Variants in PLCE1 observed in about 807,000 individuals in gnomAD.
PLCE1 encodes the protein phospholipase C epsilon 1.
Under a neutral mutation model 242.8 loss-of-function variants are expected in PLCE1, and 119 were observed. That is an observed-to-expected ratio of 0.49 (90% CI 0.42 to 0.57). PLCE1 has a LOEUF of 0.57. PLCE1 is among the 20% of genes least tolerant of loss of function. PLCE1 has a pLI of 0.00. For synonymous variants in PLCE1, 945 were observed against 1,017.4 expected, an observed-to-expected ratio of 0.93 and a Z score of 1.35; for missense variants, 2,441 against 2,788.8, an observed-to-expected ratio of 0.88 and a Z score of 2.81.
intron 3 of PLCE1, among the ~76,000 whole-genome samples, chr10:94,158,918 G>A (rs1046702902): frequency 2.1e-4 from 28 of 136,394 alleles, no homozygotes; most frequent in Non-Finnish European, 3.5e-4. Context: ...GTGCAATGGC[G>A]CAATCTCAGC....
At chr10:94,207,209 C>G (rs71480894) in intron 4 of PLCE1, among the ~76,000 whole-genome samples, 1 of 152,062 alleles carries the variant, frequency 6.6e-6, no homozygotes, top group Non-Finnish European at 1.5e-5. Context: ...ACGTCAGGAG[C>G]GTGCCCCCAG....
intron 4 of PLCE1, among the ~76,000 whole-genome samples, chr10:94,216,859 GCA>G (rs2049547168): frequency 2.0e-5 from 3 of 151,960 alleles, no homozygotes; most frequent in Middle Eastern, 6.8e-3. Flanking sequence ...GCTAAGCTCC[GCA>G]CAGTGTTTGC....
chr10:94,141,657 A>AT (rs545734863), intron 3 of PLCE1, among the ~76,000 whole-genome samples: 100,062 of 106,192 alleles, frequency 0.94, 48,337 homozygotes, highest in South Asian at 0.99. Context: ...AGGAAAGAAG[A>AT]AAGGGAGGGA....
At chr10:94,038,005 C>A (rs79216131) in intron 2 of PLCE1, among the ~76,000 whole-genome samples, 1 of 151,874 alleles carries the variant, frequency 6.6e-6, no homozygotes, top group Non-Finnish European at 1.5e-5. Flanking sequence ...GAAAATGGGC[C>A]GTGGTAGTAT....
intron 4 of PLCE1, among the ~76,000 whole-genome samples, chr10:94,207,514 CGTGTGTGTGTGTGT>C (rs56098317): frequency 2.5e-4 from 36 of 142,870 alleles, no homozygotes; most frequent in East Asian, 6.2e-4. Flanking sequence ...AATAGTTATA[CGTGTGTGTGTGTGT>C]GTGTGTGTGT....
chr10:94,050,037 G>A (rs950695663), intron 2 of PLCE1, among the ~76,000 whole-genome samples: 3 of 152,086 alleles, frequency 2.0e-5, no homozygotes, highest in Admixed American at 6.6e-5. Context: ...TTTGTTCACC[G>A]TTTGGGGCTT....
intron 28 of PLCE1, among the ~76,000 whole-genome samples, chr10:94,315,824 C>T (rs1196966146): frequency 6.6e-6 from 1 of 151,316 alleles, no homozygotes; most frequent in Non-Finnish European, 1.5e-5. Flanking sequence ...TTGAGTTCAC[C>T]TAATGTACCC....
At chr10:94,158,716 G>GA (rs963533172) in intron 3 of PLCE1, among the ~76,000 whole-genome samples, 1 of 151,608 alleles carries the variant, frequency 6.6e-6, no homozygotes, top group East Asian at 1.9e-4. Context: ...TTTTAAGTTA[G>GA]AAAAAAATGT....
At chr10:94,171,957 C>G (rs1211402243) in intron 4 of PLCE1, among the ~76,000 whole-genome samples, 1 of 152,178 alleles carries the variant, frequency 6.6e-6, no homozygotes, top group Admixed American at 6.6e-5. Flanking sequence ...CCAGAGAAGG[C>G]AGGAAACGTG....
intron 4 of PLCE1, among the ~76,000 whole-genome samples, chr10:94,213,266 T>A (rs150734092): frequency 6.6e-6 from 1 of 152,332 alleles, no homozygotes; most frequent in Non-Finnish European, 1.5e-5. Flanking sequence ...AGAATTAGGA[T>A]CTGTTCTTTG....
In PLCE1 at chr10:94,329,260, ATTC is replaced by A. The variant is rs997846338; in HGVS notation, c.*1320_*1322del. Reference sequence around the variant, plus strand: ...CCATTAAGTGTAAAGGATTCTTCATATTCTTAGTATGAAGCAAATTATGAATTT... The same window carrying A: ...CCATTAAGTGTAAAGGATTCTTCATATTAGTATGAAGCAAATTATGAATTT... On this transcript the variant is annotated 3_prime_UTR_variant, in exon 33 of 33. Transcript: ENST00000371380. 6.6e-6 allele frequency: 1 copy of A among 152,312 alleles called. No homozygotes were observed. Among genetic ancestry groups the A allele is most frequent in the East Asian group, 1.9e-4 (1 of 5,190 alleles). 9.4% of individuals were successfully genotyped at this position (152,312 alleles called of 1,614,324 possible).
At chr10:94,241,001 A>G (rs542486754) in intron 7 of PLCE1, among the ~76,000 whole-genome samples, 1 of 152,330 alleles carries the variant, frequency 6.6e-6, no homozygotes, top group East Asian at 1.9e-4. Flanking sequence ...ATTGCATAAC[A>G]TTCACTATAT....
At chr10:94,240,710 A>G (rs2050477152) in intron 7 of PLCE1, among the ~76,000 whole-genome samples, 1 of 152,240 alleles carries the variant, frequency 6.6e-6, no homozygotes, top group Non-Finnish European at 1.5e-5. Context: ...TAAAATTTTC[A>G]TCAGGGAACA....
At chr10:94,164,596 T>G (rs1169836632) in intron 3 of PLCE1, among the ~76,000 whole-genome samples, 4 of 152,358 alleles carry the variant, frequency 2.6e-5, no homozygotes, top group African/African-American at 9.6e-5. Flanking sequence ...CTCCTTTAGC[T>G]CAGAGTAGTT....
intron 4 of PLCE1, among the ~76,000 whole-genome samples, chr10:94,174,638 T>G (rs1319262948): frequency 6.6e-6 from 1 of 152,140 alleles, no homozygotes; most frequent in East Asian, 1.9e-4. Context: ...AAGGCAGGAC[T>G]TCATCTCTAT....
At chr10:94,154,844 G>A (rs766627316) in intron 3 of PLCE1, among the ~76,000 whole-genome samples, 67 of 150,552 alleles carry the variant, frequency 4.5e-4, no homozygotes, top group Non-Finnish European at 4.4e-4. Context: ...TTCAAGCCCA[G>A]CCTAGTCAAC....
intron 1 of PLCE1, among the ~76,000 whole-genome samples, chr10:94,014,773 C>T (rs1404210938): frequency 6.6e-6 from 1 of 152,224 alleles, no homozygotes; most frequent in Non-Finnish European, 1.5e-5. Flanking sequence ...AGACAAGAAT[C>T]ACCTGGCAGT....
intron 13 of PLCE1, among the ~76,000 whole-genome samples, chr10:94,261,008 A>G (rs1310234937): frequency 6.6e-6 from 1 of 152,228 alleles, no homozygotes; most frequent in Non-Finnish European, 1.5e-5. Context: ...ACTGAAGTCC[A>G]TAGTTAACGT....
At chr10:94,233,957 A>T in intron 5 of PLCE1, 97 bp from the exon 6 acceptor site, 1 of 1,200,622 alleles carries the variant, frequency 8.3e-7, no homozygotes, top group Admixed American at 2.1e-5. Flanking sequence ...AAAAAAAAAA[A>T]ATGGTAAAAA....
Sources: gnomAD v4.1 joint callset for allele counts (sites outside exome capture counted in the v4.1 genomes callset) on GRCh38, gnomAD v4.1.1 for gene constraint, MANE v1.5 for transcripts, NCBI Gene and HGNC (gene_info 2026-07-23, HGNC 2026-07-21) for gene names.